The following DMXL2 variants were observed in gnomAD, a reference collection of about 807,000 sequenced individuals.
DMXL2 encodes Dmx like 2, also known as dmX-like protein 2.
In DMXL2, 103 loss-of-function variants were observed where a neutral mutation model predicts 331.1. That is an observed-to-expected ratio of 0.31 (90% CI 0.27 to 0.37). The LOEUF (loss-of-function observed/expected upper bound fraction) is 0.37. DMXL2 is among the 10% of genes least tolerant of loss of function. The pLI is 1.00. For synonymous variants in DMXL2, 1,281 were observed against 1,252.1 expected (o/e 1.02, Z -0.49); for missense variants, 3,171 against 3,642.9 (o/e 0.87, Z 3.33).
chr15:51,537,558 T>C lies in DMXL2; in HGVS notation c.1547A>G (p.Asp516Gly), dbSNP rs1305698217. 1 of 1,613,916 alleles carries C rather than the reference T, an allele frequency of 6.2e-7. No individual in the cohort carries two copies. Among genetic ancestry groups the C allele is most frequent in the Non-Finnish European group, 8.5e-7 (1 of 1,179,862 alleles). ...PDMLFTIHPV[D>G]GTFLVWHVKY... ...CACATGCCACACTAGAAAGGTACCATCTACAGGGTGTATTGTAAAAAGCAT... is the reference window on the plus strand; with the variant it reads ...CACATGCCACACTAGAAAGGTACCACCTACAGGGTGTATTGTAAAAAGCAT... Residue 516 changes from aspartate (D) to glycine (G), a missense_variant, in exon 11 of 44, where the codon GAT (aspartate) becomes GGT (glycine). Around this residue, in one of 7 missense-constraint regions of DMXL2, gnomAD observed 1,674 missense variants for 1,780.2 expected, o/e 0.94. Coordinates refer to ENST00000560891, the MANE Select transcript of DMXL2 (RefSeq NM_001378457.1).
chr15:51,535,869 A>C, intron 12 of DMXL2, 85 bp from the exon 13 acceptor site: 1 of 1,436,746 alleles, frequency 7.0e-7, no homozygotes, highest in Non-Finnish European at 9.2e-7. Flanking sequence ...AAGTATTCAC[A>C]TTTTTTTTAG....
rs143794327 is a variant in DMXL2, at chr15:51,546,661, G to A, written c.746+569C>T. On this transcript the variant is annotated intron_variant, in intron 7 of 43. Transcript: ENST00000560891. ...TTAATCTTCTAAATACCTTTAAGAG[G>A]TGCCACAATGATGAGGAAAAAATGT... 3.9e-3 allele frequency among the ~76,000 whole-genome samples: 600 copies of A among 151,970 alleles called. 5 individuals are homozygous for A. The highest frequency in any genetic ancestry group is 0.014 in the African/African-American group (580 of 41,454).
rs558199564 is a variant in DMXL2, at chr15:51,481,813, C to T, written c.5483-190G>A. On this transcript the variant is annotated intron_variant, in intron 23 of 43. Coordinates refer to ENST00000560891, the MANE Select transcript of DMXL2 (RefSeq NM_001378457.1). ...ATAGAAAGAATTTCCCAATATGCTACGGAGTGATTCCCATCACTATAGAGT... is the reference window on the plus strand; with the variant it reads ...ATAGAAAGAATTTCCCAATATGCTATGGAGTGATTCCCATCACTATAGAGT... 3.9e-5 allele frequency among the ~76,000 whole-genome samples: 6 copies of T among 152,224 alleles called. No homozygotes were observed. The South Asian group carries it at 8.3e-4, about 21-fold the overall frequency.
At chr15:51,602,412 G>A (rs2053290973) in intron 1 of DMXL2, among the ~76,000 whole-genome samples, 1 of 152,050 alleles carries the variant, frequency 6.6e-6, no homozygotes, top group Non-Finnish European at 1.5e-5. Flanking sequence ...GACCCCAAGA[G>A]AGTAGAGTGG....
At chr15:51,586,981 T>C (rs1352339795) in intron 1 of DMXL2, among the ~76,000 whole-genome samples, 29 of 45,962 alleles carry the variant, frequency 6.3e-4, no homozygotes, top group African/African-American at 3.0e-3. Flanking sequence ...GTCAAAAATC[T>C]CTAAAAAAAA....
At chr15:51,470,392 A>C (rs894348135) in intron 29 of DMXL2, among the ~76,000 whole-genome samples, 19 of 152,018 alleles carry the variant, frequency 1.2e-4, no homozygotes, top group Admixed American at 1.2e-3. Flanking sequence ...CAACCTCCCA[A>C]AGTGCTGAGG....
Position 51,463,483 on chromosome 15 carries a change from A to G in DMXL2, c.7822T>C (p.Ser2608Pro). Residue 2608 changes from serine (S) to proline (P), a missense_variant, in exon 33 of 44, where the codon TCT becomes CCT. Ser to Pro is a moderately conservative substitution (Grantham distance 74). Coordinates refer to ENST00000560891, the MANE Select transcript of DMXL2 (RefSeq NM_001378457.1). ...ENTPFKSRDS[S>P]AFPVKRLWHF... is the part of the protein sequence containing the mutation. ...CAAAGTCGTTTGACTGGAAATGCAG[A>G]AGAATCCCGGGACCTATTAAAAAAA... 1.3e-6 allele frequency: 2 copies of G among 1,593,526 alleles called. No individual in the cohort carries two copies. The highest frequency in any genetic ancestry group is 1.7e-6 in the Non-Finnish European group (2 of 1,173,050).
chr15:51,451,809 TG>T, intron 41 of DMXL2, 112 bp from the exon 42 acceptor site: 1 of 874,624 alleles, frequency 1.1e-6, no homozygotes, highest in African/African-American at 1.7e-5. Context: ...TTATCTTTTT[TG>T]TTCACTCACA....
At chr15:51,570,707 G>A (rs1368589704) in intron 2 of DMXL2, among the ~76,000 whole-genome samples, 1 of 152,150 alleles carries the variant, frequency 6.6e-6, no homozygotes. Context: ...TTAGGCAAAG[G>A]AGAAATAAAA....
At position 51,480,979 on chromosome 15, in the gene DMXL2, T is replaced by G; in HGVS notation, c.6127A>C (p.Lys2043Gln). Residue 2043 changes from lysine (K) to glutamine (Q), a missense_variant, in exon 24 of 44, where the codon AAA becomes CAA. Physicochemically the swap from Lys to Gln is moderately conservative, Grantham distance 53. Around this residue, in one of 7 missense-constraint regions of DMXL2, gnomAD observed 20 missense variants for 46.3 expected, o/e 0.43. Transcript: ENST00000560891. ...AGGATCTTTAAACAAGCTCTGAATT[T>G]TAGTTGTTCAGCAATCACATCAACT... ...TEVDVIAEQL[K>Q]FRACLKILMT... 1 of 1,614,114 alleles carries G rather than the reference T, an allele frequency of 6.2e-7. No individual in the cohort carries two copies. The highest frequency in any genetic ancestry group is 8.5e-7 in the Non-Finnish European group (1 of 1,179,998).
chr15:51,540,336 C>CA (rs1453691229), intron 9 of DMXL2, among the ~76,000 whole-genome samples: 1 of 152,114 alleles, frequency 6.6e-6, no homozygotes, highest in African/African-American at 2.4e-5. Flanking sequence ...TCCTCACATG[C>CA]AATAACAGTA....
intron 15 of DMXL2, among the ~76,000 whole-genome samples, chr15:51,513,432 A>G (rs1471884931): frequency 6.6e-6 from 1 of 152,236 alleles, no homozygotes; most frequent in East Asian, 1.9e-4. Context: ...ACATAATTGA[A>G]TAACACAAAT....
At chr15:51,537,883 AAAC>A in intron 10 of DMXL2, 124 bp from the exon 11 acceptor site, 1 of 1,183,388 alleles carries the variant, frequency 8.5e-7, no homozygotes, top group Non-Finnish European at 1.1e-6. Context: ...TCAGAAAAAA[AAAC>A]AAAGGAAACT....
At chr15:51,581,484 C>T (rs937372271) in intron 1 of DMXL2, among the ~76,000 whole-genome samples, 2 of 152,104 alleles carry the variant, frequency 1.3e-5, no homozygotes, top group Non-Finnish European at 2.9e-5. Flanking sequence ...ACAAAAAAAG[C>T]ACTGATAAGG....
chr15:51,457,638 T>C (rs1424775437), intron 36 of DMXL2, 172 bp from the exon 37 acceptor site: 7 of 678,496 alleles, frequency 1.0e-5, no homozygotes, highest in Non-Finnish European at 1.6e-5. Flanking sequence ...GGTTAACTTT[T>C]TTCCCTTTTG....
chr15:51,536,825 G>C lies in DMXL2; in HGVS notation c.1655C>G (p.Ser552Cys), dbSNP rs781689426. The change falls in exon 12 of 44, where the codon TCT (serine) becomes TGT (cysteine). Residue 552 changes from serine to cysteine, a missense_variant. Physicochemically the swap from Ser to Cys is moderately radical, Grantham distance 112. Transcript: ENST00000560891. ...FSSRIPVAFPSGDASSLSKNI... is the reference protein window; with the variant it reads ...FSSRIPVAFPCGDASSLSKNI... ...TTTACTAAGAGAGCTTGCATCACCA[G>C]AGGGAAATGCAACAGGAATCCGAGA... is the stretch of plus-strand genomic sequence containing the variant. 1.9e-6 allele frequency: 3 copies of C among 1,611,644 alleles called. No individual in the cohort carries two copies. The highest frequency in any genetic ancestry group is 2.2e-5 in the East Asian group (1 of 44,856).
In DMXL2 at chr15:51,450,220, G is replaced by C. The variant is rs374931009; in HGVS notation, c.8876C>G (p.Thr2959Arg). The C allele has an allele frequency of 1.2e-6, 2 of 1,614,046 alleles. No homozygotes were observed. Among genetic ancestry groups the C allele is most frequent in the Non-Finnish European group, 1.7e-6 (2 of 1,179,990 alleles). ...AATAGCTGAGTCATGGGCCTGGAAC[G>C]TGTGAATGAGCTGCCTTTGCCTGAT... The part of the protein sequence containing the change: ...FDIRQRQLIH[T>R]FQAHDSAIKA... The change falls in exon 43 of 44, where the codon ACG becomes AGG. Residue 2959 changes from threonine to arginine, a missense_variant. Physicochemically the swap from Thr to Arg is moderately conservative, Grantham distance 71. Around this residue, in one of 7 missense-constraint regions of DMXL2, gnomAD observed 766 missense variants for 940.5 expected, o/e 0.81. Transcript: ENST00000560891.
intron 33 of DMXL2, among the ~76,000 whole-genome samples, chr15:51,461,892 A>C (rs1191284854): frequency 6.6e-6 from 1 of 151,458 alleles, no homozygotes; most frequent in Non-Finnish European, 1.5e-5. Flanking sequence ...TAGTTTATGG[A>C]ATTTGGACTC....
chr15:51,591,204 G>T (rs1345326160), intron 1 of DMXL2, among the ~76,000 whole-genome samples: 1 of 152,194 alleles, frequency 6.6e-6, no homozygotes, highest in Non-Finnish European at 1.5e-5. Flanking sequence ...GGTGACAGAC[G>T]GCACCTGGAA....
Sources: gnomAD v4.1 joint callset for allele counts (sites outside exome capture counted in the v4.1 genomes callset) on GRCh38, gnomAD v4.1.1 for gene constraint, gnomAD v4.1.1 regional missense constraint, MANE v1.5 for transcripts, NCBI Gene and HGNC (gene_info 2026-07-23, HGNC 2026-07-21) for gene names.